The following GAS7 variants were observed in gnomAD, a reference collection of about 807,000 sequenced individuals.
The protein encoded by GAS7 is growth arrest specific 7, also known as growth arrest-specific protein 7.
Under a neutral mutation model 71.1 loss-of-function variants are expected in GAS7, and 28 were observed. The observed-to-expected ratio is 0.39, with a 90% CI of 0.29 to 0.54. GAS7 has a LOEUF of 0.54. Ranked by LOEUF, GAS7 falls within the 20% of genes least tolerant of loss-of-function variation. The pLI, the probability that GAS7 is intolerant of heterozygous loss-of-function variation, is 0.62. For synonymous variants in GAS7, 258 were observed against 245.8 expected (o/e 1.05, Z -0.46); for missense variants, 436 against 627.8 (o/e 0.69, Z 3.27).
intron 1 of GAS7, among the ~76,000 whole-genome samples, chr17:10,041,500 C>A (rs1418581125): frequency 6.6e-6 from 1 of 152,240 alleles, no homozygotes; most frequent in African/African-American, 2.4e-5. Flanking sequence ...CGGGCCATTA[C>A]AAACCAGGAG....
Position 10,185,170 on chromosome 17 carries a change from C to A in GAS7, c.183+13038G>T, listed in dbSNP as rs182755228. Reference sequence around the variant, plus strand: ...GAACTCCTGACCTCAGGTGATCTACCTTCCTCGGCCTCCCAAAGTGCTGAG... The same window carrying A: ...GAACTCCTGACCTCAGGTGATCTACATTCCTCGGCCTCCCAAAGTGCTGAG... On this transcript the variant is annotated intron_variant, in intron 1 of 13. Transcript: ENST00000432992. Among the ~76,000 whole-genome samples, 783 of 152,238 alleles carry A rather than the reference C, an allele frequency of 5.1e-3. 9 individuals carry two copies. Among genetic ancestry groups the A allele is most frequent in the Non-Finnish European group, 4.6e-3 (313 of 68,016 alleles).
In GAS7 at chr17:9,969,664, C is replaced by T. The variant is rs113842996; in HGVS notation, c.471+13G>A. On this transcript the variant is annotated intron_variant, in intron 4 of 13. Coordinates refer to ENST00000432992, the MANE Select transcript of GAS7 (RefSeq NM_201433.2). This position sits in a 1 kb window ranked among gnomAD's most constrained non-coding sequence, Gnocchi z 5.5. ...GCAGTGACCGCTATACCTCCCTCAA[C>T]AGGACCCCTTACCTGGGAATCACCG... The T allele has an allele frequency of 1.3e-6, 2 of 1,544,530 alleles. No homozygotes were observed. Among genetic ancestry groups the T allele is most frequent in the African/African-American group, 1.4e-5 (1 of 73,726 alleles).
chr17:10,063,894 C>T (rs2073249051), intron 1 of GAS7, among the ~76,000 whole-genome samples: 1 of 152,118 alleles, frequency 6.6e-6, no homozygotes, highest in African/African-American at 2.4e-5. Flanking sequence ...TTTTTTCATC[C>T]AGCCACAGCA....
intron 1 of GAS7, among the ~76,000 whole-genome samples, chr17:10,110,361 G>A (rs981124357): frequency 2.0e-5 from 3 of 152,212 alleles, no homozygotes; most frequent in Non-Finnish European, 2.9e-5. Context: ...TCGTGGAGAT[G>A]AGAGTAGATA....
At chr17:9,952,456 A>C (rs542462027) in intron 5 of GAS7, among the ~76,000 whole-genome samples, 1 of 152,108 alleles carries the variant, frequency 6.6e-6, no homozygotes, top group South Asian at 2.1e-4. Flanking sequence ...CAATGGCATG[A>C]TCTCAGCTCA....
chr17:10,041,199 C>G (rs1260030895), intron 1 of GAS7, among the ~76,000 whole-genome samples: 5 of 151,202 alleles, frequency 3.3e-5, no homozygotes, highest in African/African-American at 1.2e-4. Flanking sequence ...AGCAAAACTT[C>G]ATTTGAACCT....
rs2074189741 is a variant in GAS7, at chr17:10,154,489, G to T, written c.183+43719C>A. Among the ~76,000 whole-genome samples the T allele has an allele frequency of 2.0e-5, 3 of 151,648 alleles. No homozygotes were observed. The South Asian group carries it at 6.2e-4, about 32-fold the overall frequency. On this transcript the variant is annotated intron_variant, in intron 1 of 13. Coordinates refer to ENST00000432992, the MANE Select transcript of GAS7 (RefSeq NM_201433.2). ...ACTGCACTCCAGCTTAGATGACAGG[G>T]TGAGGCCTTGTCTCAAGAAAAACAA...
intron 1 of GAS7, among the ~76,000 whole-genome samples, chr17:10,146,420 C>T (rs2142102434): frequency 6.6e-6 from 1 of 152,240 alleles, no homozygotes; most frequent in South Asian, 2.1e-4. Flanking sequence ...AAGGCAAAGT[C>T]CCCGCAAGAG....
In GAS7 at chr17:9,948,480, C is replaced by G. The variant is rs190922426; in HGVS notation, c.526-1497G>C. Among the ~76,000 whole-genome samples, 63 of 152,256 alleles carry G rather than the reference C, an allele frequency of 4.1e-4. No individual in the cohort carries two copies. In the Middle Eastern group the frequency reaches 0.014, roughly 33 times the overall value. ...CAGGTGGATCATGAGGTCAGGAGTT[C>G]GAGACCAGCCTGACCAATATGGTGA... On this transcript the variant is annotated intron_variant, in intron 5 of 13. Transcript: ENST00000432992.
intron 1 of GAS7, among the ~76,000 whole-genome samples, chr17:10,090,772 C>T (rs1435499233): frequency 6.6e-6 from 1 of 152,022 alleles, no homozygotes; most frequent in Non-Finnish European, 1.5e-5. Context: ...CGTGGAGTGC[C>T]CAGATAGGGA....
rs2240738 is a variant in GAS7, at chr17:9,911,247, C to T, written c.*5981G>A. On this transcript the variant is annotated 3_prime_UTR_variant, in exon 14 of 14. Coordinates refer to ENST00000432992, the MANE Select transcript of GAS7 (RefSeq NM_201433.2). The surrounding 1 kb of genome is among the most constrained non-coding windows in gnomAD (Gnocchi z 4.0). ...TTGACAGATGAGTGCACGGAGGTCC[C>T]GACAGGGGATGTGACTTAACTTCAG... 3 of 233,278 alleles carry T rather than the reference C, an allele frequency of 1.3e-5. No individual in the cohort carries two copies. The highest frequency in any genetic ancestry group is 2.2e-5 in the African/African-American group (1 of 45,446). The allele number at this position is 233,278 out of a possible 1,614,324, so 14.5% of individuals were successfully genotyped here.
intron 1 of GAS7, among the ~76,000 whole-genome samples, chr17:10,061,686 C>A (rs2073221853): frequency 6.6e-6 from 1 of 152,162 alleles, no homozygotes; most frequent in Non-Finnish European, 1.5e-5. Flanking sequence ...AGCTCTGGAG[C>A]CTCTGGGGGG....
chr17:9,953,628 C>T (rs778434745), intron 5 of GAS7, among the ~76,000 whole-genome samples: 2 of 152,254 alleles, frequency 1.3e-5, no homozygotes, highest in African/African-American at 2.4e-5. Flanking sequence ...GCCTCGACCA[C>T]GAAGCTATGT....
At position 10,046,876 on chromosome 17, in the gene GAS7, GGAAAA is replaced by G. The variant is rs796639166; in HGVS notation, c.184-26984_184-26980del. 5.8e-3 allele frequency among the ~76,000 whole-genome samples: 572 copies of G among 98,228 alleles called. 80 individuals carry two copies. The highest frequency in any genetic ancestry group is 0.031 in the African/African-American group (510 of 16,252). 64.4% of individuals were successfully genotyped at this position (98,228 alleles called of 152,430 possible). A position where few individuals can be genotyped will look rare whatever the true frequency, so the allele number is the denominator to read the frequency against. ...AAAGAAAAGAAAAAAGAAAAGAAAA[GGAAAA>G]GAAAAGAAAAGAAAAGAAAATCTTG... On this transcript the variant is annotated intron_variant, in intron 1 of 13. Transcript: ENST00000432992.
In GAS7 at chr17:10,103,835, C is replaced by CA. The variant is rs776629494; in HGVS notation, c.184-83939dup. Among the ~76,000 whole-genome samples the CA allele has an allele frequency of 0.035, 4,307 of 122,100 alleles. 98 individuals carry two copies. The highest frequency in any genetic ancestry group is 0.12 in the East Asian group (536 of 4,326). 80.1% of individuals were successfully genotyped at this position (122,100 alleles called of 152,430 possible). ...AGCAAGACTGCATCTCAAAAAATCT[C>CA]AAAAAAAAAAAAAAAGAAGCAAACC... is the stretch of plus-strand genomic sequence containing the variant. On this transcript the variant is annotated intron_variant, in intron 1 of 13. Transcript: ENST00000432992. The surrounding 1 kb of genome is among the most constrained non-coding windows in gnomAD (Gnocchi z 5.5).
At chr17:10,077,275 C>T (rs912132318) in intron 1 of GAS7, among the ~76,000 whole-genome samples, 3 of 152,100 alleles carry the variant, frequency 2.0e-5, no homozygotes, top group African/African-American at 7.2e-5. Flanking sequence ...ATTAAAATGG[C>T]TGATTGAAAA....
chr17:9,963,870 T>C (rs1290797748), intron 4 of GAS7, among the ~76,000 whole-genome samples: 1 of 151,982 alleles, frequency 6.6e-6, no homozygotes, highest in Non-Finnish European at 1.5e-5. Flanking sequence ...TCCTGGAAGA[T>C]ACATTCTGAA....
At chr17:10,046,211 C>G (rs73974413) in intron 1 of GAS7, among the ~76,000 whole-genome samples, 1 of 152,138 alleles carries the variant, frequency 6.6e-6, no homozygotes, top group East Asian at 1.9e-4. Context: ...CGGTACCCGG[C>G]GTGTGACTGA....
At chr17:9,992,743 A>C in intron 2 of GAS7, among the ~76,000 whole-genome samples, 2 of 139,160 alleles carry the variant, frequency 1.4e-5, no homozygotes, top group African/African-American at 2.6e-5. Context: ...TCCCAATGCT[A>C]TCCCTCCCCC....
Sources: gnomAD v4.1 joint callset for allele counts (sites outside exome capture counted in the v4.1 genomes callset) on GRCh38, gnomAD v4.1.1 for gene constraint, Gnocchi (gnomAD v3.1) non-coding constraint, MANE v1.5 for transcripts, NCBI Gene and HGNC (gene_info 2026-07-23, HGNC 2026-07-21) for gene names.